The following COBL variants were observed in gnomAD, a reference collection of about 807,000 sequenced individuals.
COBL encodes cordon-bleu WH2 repeat protein.
In COBL, 51 loss-of-function variants were observed where a neutral mutation model predicts 98.8. The observed-to-expected ratio is 0.52, with a 90% CI of 0.41 to 0.65. The LOEUF is 0.65. Ranked by LOEUF, COBL falls within the 30% of genes least tolerant of loss-of-function variation. The pLI is 0.00. For missense variants in COBL, 1,617 were observed against 1,617.5 expected, an observed-to-expected ratio of 1.00 and a Z score of 0.01; for synonymous variants, 634 against 651.7, an observed-to-expected ratio of 0.97 and a Z score of 0.41.
At chr7:51,157,036 A>C (rs1388840788) in intron 5 of COBL, among the ~76,000 whole-genome samples, 1 of 152,118 alleles carries the variant, frequency 6.6e-6, no homozygotes, top group East Asian at 1.9e-4. Context: ...TGATTCTCCT[A>C]TTGCCTCATC....
intron 7 of COBL, among the ~76,000 whole-genome samples, chr7:51,061,560 T>C (rs1791360789): frequency 6.6e-6 from 1 of 152,190 alleles, no homozygotes; most frequent in African/African-American, 2.4e-5. Context: ...GAATTTGCAA[T>C]GGCTAAGCAA....
At chr7:51,110,900 A>G (rs1246436731) in intron 6 of COBL, among the ~76,000 whole-genome samples, 2 of 152,246 alleles carry the variant, frequency 1.3e-5, no homozygotes, top group African/African-American at 2.4e-5. Flanking sequence ...GTATTCCATC[A>G]TATGTATATA....
intron 1 of COBL, among the ~76,000 whole-genome samples, chr7:51,233,698 A>G (rs1220182407): frequency 1.3e-5 from 2 of 152,204 alleles, no homozygotes; most frequent in Non-Finnish European, 2.9e-5. Context: ...ATTTCTCAGG[A>G]AAATGAACCC....
chr7:51,242,523 T>TA (rs1170212406), intron 1 of COBL, among the ~76,000 whole-genome samples: 1 of 152,126 alleles, frequency 6.6e-6, no homozygotes, highest in African/African-American at 2.4e-5. Flanking sequence ...TTGTACAGTA[T>TA]AAAAAAGGTG....
At position 51,029,531 on chromosome 7, in the gene COBL, G is replaced by C. The variant is rs1203545442; in HGVS notation, c.1565C>G (p.Ser522Cys). ...SSLTSSIHGASNHCPQDAMIP... is the reference protein window; with the variant it reads ...SSLTSSIHGACNHCPQDAMIP... ...CATGGCATCCTGTGGGCAGTGGTTG[G>C]ATGCACCATGGATGGAGCTGGTGAG... Residue 522 changes from serine to cysteine, a missense_variant, in exon 10 of 13, where the codon TCC (serine) becomes TGC (cysteine). By Grantham distance (112) the Ser-to-Cys change is moderately radical. Around this residue, in one of 3 missense-constraint regions of COBL, gnomAD observed 1,304 missense variants for 1,282.0 expected, o/e 1.02. Transcript: ENST00000265136. The C allele has an allele frequency of 8.1e-6, 13 of 1,613,628 alleles. No homozygotes were observed. The Admixed American group carries it at 2.2e-4, about 27-fold the overall frequency.
intron 1 of COBL, among the ~76,000 whole-genome samples, chr7:51,286,240 T>TA (rs552758543): frequency 0.016 from 2,097 of 132,516 alleles, 15 homozygotes; most frequent in South Asian, 0.053. Flanking sequence ...GCATAAAGTT[T>TA]AAAAAAAAAA....
chr7:51,030,936 A>T, intron 8 of COBL, 27 bp from the exon 9 acceptor site: 1 of 1,391,900 alleles, frequency 7.2e-7, no homozygotes, highest in Non-Finnish European at 1.0e-6. Flanking sequence ...AGAAAGGAGC[A>T]CTCATTTCTC....
chr7:51,172,641 C>T (rs373956182), intron 5 of COBL: 3 of 609,140 alleles, frequency 4.9e-6, no homozygotes, highest in East Asian at 8.2e-5. Context: ...AGGCAGCAAA[C>T]CCTTCACTTA....
intron 5 of COBL, among the ~76,000 whole-genome samples, chr7:51,178,171 T>C (rs745752135): frequency 1.4e-4 from 21 of 151,992 alleles, no homozygotes; most frequent in Admixed American, 3.3e-4. Context: ...TCTCTCTCCC[T>C]CTCTCTCTCT....
chr7:51,028,027 A>G lies in COBL; in HGVS notation c.3069T>C (p.Pro1023=). ...RRAPDGTDPP[P]PHTSDTQACS... ...AGGCCTGAGTGTCAGATGTGTGTGG[A>G]GGGGGTGGGTCTGTACCATCAGGTG... Residue 1023 remains proline, a synonymous_variant, in exon 10 of 13, where the codon CCT becomes CCC. Coordinates refer to ENST00000265136, the MANE Select transcript of COBL (RefSeq NM_015198.5). 6.2e-7 allele frequency: 1 copy of G among 1,603,302 alleles called. No homozygotes were observed. The highest frequency in any genetic ancestry group is 8.5e-7 in the Non-Finnish European group (1 of 1,173,952).
chr7:51,212,966 T>C (rs1351776730), intron 2 of COBL, among the ~76,000 whole-genome samples: 3 of 152,222 alleles, frequency 2.0e-5, no homozygotes, highest in African/African-American at 2.4e-5. Flanking sequence ...GTTAAGTAAA[T>C]AGGTAACTCA....
At chr7:51,271,476 C>G (rs761494031) in intron 1 of COBL, among the ~76,000 whole-genome samples, 21 of 152,324 alleles carry the variant, frequency 1.4e-4, no homozygotes, top group South Asian at 6.2e-4. Flanking sequence ...TCACGGTTAA[C>G]TGCTTTAATC....
intron 5 of COBL, among the ~76,000 whole-genome samples, chr7:51,154,337 C>A (rs965896886): frequency 1.3e-5 from 2 of 152,312 alleles, no homozygotes; most frequent in Admixed American, 6.5e-5. Context: ...CAAACTGAAG[C>A]AGAGAACATG....
Position 51,028,396 on chromosome 7 carries a change from C to T in COBL, c.2700G>A (p.Ala900=), listed in dbSNP as rs748500347. 12 of 1,614,248 alleles carry T rather than the reference C, an allele frequency of 7.4e-6. No homozygotes were observed. The East Asian group carries it at 8.9e-5, about 12-fold the overall frequency. The change falls in exon 10 of 13, where the codon GCG becomes GCA. Residue 900 remains alanine (A), a synonymous_variant. Transcript: ENST00000265136. Reference sequence around the variant, plus strand: ...TGACAGGTGGTGCAGCCAGCACTGGCGCCTTGCCTGCATAACCCTTCTCGG... The same window carrying T: ...TGACAGGTGGTGCAGCCAGCACTGGTGCCTTGCCTGCATAACCCTTCTCGG... ...GYAEKGYAGK[A]PVLAAPPVTV...
intron 6 of COBL, among the ~76,000 whole-genome samples, chr7:51,101,703 G>A (rs1795821041): frequency 6.6e-6 from 1 of 152,230 alleles, no homozygotes; most frequent in Non-Finnish European, 1.5e-5. Flanking sequence ...TTAGAAACCA[G>A]TTTGTGCTTC....
intron 1 of COBL, among the ~76,000 whole-genome samples, chr7:51,253,292 G>C (rs1428976168): frequency 6.6e-6 from 1 of 152,138 alleles, no homozygotes; most frequent in African/African-American, 2.4e-5. Flanking sequence ...CTCTATTTGA[G>C]TAACACTTCA....
intron 1 of COBL, among the ~76,000 whole-genome samples, chr7:51,228,321 C>T (rs566837169): frequency 9.9e-5 from 15 of 151,656 alleles, no homozygotes; most frequent in African/African-American, 1.7e-4. Flanking sequence ...GGTATGGCAC[C>T]GAGACACAGG....
At chr7:51,092,985 T>G (rs1794951285) in intron 6 of COBL, among the ~76,000 whole-genome samples, 1 of 152,216 alleles carries the variant, frequency 6.6e-6, no homozygotes, top group Non-Finnish European at 1.5e-5. Flanking sequence ...TACAGATCTT[T>G]CACCTCCTTG....
intron 1 of COBL, among the ~76,000 whole-genome samples, chr7:51,305,500 C>T (rs1306397619): frequency 1.3e-5 from 2 of 152,200 alleles, no homozygotes; most frequent in Admixed American, 6.5e-5. Flanking sequence ...GTATAATCTT[C>T]CAACTTGGTG....
Sources: allele counts gnomAD v4.1 joint callset (sites outside exome capture counted in the v4.1 genomes callset), GRCh38; gene constraint gnomAD v4.1.1; regional missense constraint gnomAD v4.1.1; transcripts MANE v1.5; gene names NCBI Gene and HGNC (gene_info 2026-07-23, HGNC 2026-07-21).